Variants in SDK1 observed in about 807,000 individuals in gnomAD.
SDK1 encodes sidekick cell adhesion molecule 1.
SDK1 carries 157 observed loss-of-function variants against 245.5 expected under a neutral mutation model. The observed-to-expected ratio is 0.64, with a 90% CI of 0.56 to 0.73. The LOEUF (loss-of-function observed/expected upper bound fraction) is 0.73, where lower values mean the gene tolerates loss of function less well. Among genes scored for constraint, SDK1 ranks in the 30% least tolerant of loss-of-function variants. SDK1 has a pLI of 0.00. For synonymous variants in SDK1, 1,647 were observed against 1,278.5 expected (o/e 1.29, Z -6.15); for missense variants, 3,583 against 3,002.3 (o/e 1.19, Z -4.52).
intron 1 of SDK1, among the ~76,000 whole-genome samples, chr7:3,555,014 C>T (rs1031739001): frequency 5.9e-5 from 9 of 152,142 alleles, no homozygotes; most frequent in Admixed American, 1.3e-4. Context: ...TTACCCAGGG[C>T]AATCTATAGA....
intron 4 of SDK1, among the ~76,000 whole-genome samples, chr7:3,679,346 C>T (rs1444149139): frequency 2.6e-5 from 4 of 151,970 alleles, no homozygotes; most frequent in Admixed American, 2.6e-4. Flanking sequence ...GCGGGTGGAT[C>T]ACGAGGTCGG....
chr7:4,178,641 C>A, intron 35 of SDK1, 55 bp downstream of exon 35: 1 of 1,277,992 alleles, frequency 7.8e-7, no homozygotes, highest in Non-Finnish European at 1.1e-6. Context: ...GTGGTGGGGA[C>A]AGCCAGGCAC....
chr7:3,668,589 G>C (rs1011583010), intron 4 of SDK1, among the ~76,000 whole-genome samples: 1 of 152,122 alleles, frequency 6.6e-6, no homozygotes, highest in Admixed American at 6.5e-5. Flanking sequence ...GCCTGGGCAA[G>C]AGACCAGCCT....
At chr7:3,654,758 A>G (rs1370339417) in intron 4 of SDK1, among the ~76,000 whole-genome samples, 1 of 152,214 alleles carries the variant, frequency 6.6e-6, no homozygotes, top group Non-Finnish European at 1.5e-5. Context: ...GCTTGGTTCC[A>G]TTCGAGTTGG....
intron 22 of SDK1, among the ~76,000 whole-genome samples, chr7:4,109,717 C>T (rs1402235905): frequency 6.6e-6 from 1 of 152,228 alleles, no homozygotes; most frequent in Non-Finnish European, 1.5e-5. Context: ...CTAGCTGGCG[C>T]AGCTTGTGTG....
At chr7:3,869,698 T>C (rs1054420462) in intron 5 of SDK1, among the ~76,000 whole-genome samples, 2 of 152,220 alleles carry the variant, frequency 1.3e-5, no homozygotes, top group African/African-American at 4.8e-5. Flanking sequence ...TTTGAAATTT[T>C]AGATTTTGAG....
At chr7:3,917,671 G>A (rs1486451316) in intron 5 of SDK1, among the ~76,000 whole-genome samples, 1 of 152,170 alleles carries the variant, frequency 6.6e-6, no homozygotes, top group Non-Finnish European at 1.5e-5. Flanking sequence ...TATGGGACCA[G>A]CTGTCAAATT....
chr7:3,892,950 A>G (rs991537458), intron 5 of SDK1, among the ~76,000 whole-genome samples: 3 of 152,080 alleles, frequency 2.0e-5, no homozygotes, highest in Non-Finnish European at 2.9e-5. Flanking sequence ...CGCACTTCAC[A>G]TGGCAGGGAA....
At chr7:4,141,036 C>T (rs75159067) in intron 28 of SDK1, among the ~76,000 whole-genome samples, 2 of 152,316 alleles carry the variant, frequency 1.3e-5, no homozygotes, top group South Asian at 2.1e-4. Flanking sequence ...AGCCAGGTCT[C>T]CCGGCTCCCT....
intron 5 of SDK1, among the ~76,000 whole-genome samples, chr7:3,874,034 T>C (rs1276836524): frequency 6.6e-6 from 1 of 152,224 alleles, no homozygotes; most frequent in Non-Finnish European, 1.5e-5. Flanking sequence ...TGAAAGCCTG[T>C]TATGTCATAT....
intron 1 of SDK1, among the ~76,000 whole-genome samples, chr7:3,518,975 A>AT (rs1782840509): frequency 6.6e-6 from 1 of 150,966 alleles, no homozygotes; most frequent in South Asian, 2.1e-4. Context: ...AAAAAAAAAA[A>AT]GGAAGTCCTG....
chr7:4,047,222 G>A (rs975001340), intron 17 of SDK1, among the ~76,000 whole-genome samples: 11 of 151,998 alleles, frequency 7.2e-5, no homozygotes, highest in Admixed American at 6.5e-5. Flanking sequence ...AAATTTTGCC[G>A]AATGCTTTTC....
Position 3,885,393 on chromosome 7 carries a change from T to A in SDK1, c.847+63810T>A, listed in dbSNP as rs1329296888. 3.3e-5 allele frequency among the ~76,000 whole-genome samples: 5 copies of A among 152,172 alleles called. No homozygotes were observed. In the South Asian group the frequency reaches 6.2e-4, roughly 19 times the overall value. On this transcript the variant is annotated intron_variant, in intron 5 of 44. Coordinates refer to ENST00000404826, the MANE Select transcript of SDK1 (RefSeq NM_152744.4). Reference sequence around the variant, plus strand: ...CACCTATGACACACACTCATCACATTCCACAGAGAATGCAGTGCAGCCCTC... The same window carrying A: ...CACCTATGACACACACTCATCACATACCACAGAGAATGCAGTGCAGCCCTC...
chr7:3,906,414 G>A (rs931725616), intron 5 of SDK1, among the ~76,000 whole-genome samples: 1 of 151,884 alleles, frequency 6.6e-6, no homozygotes, highest in Non-Finnish European at 1.5e-5. Flanking sequence ...GAGAGAGAGA[G>A]ACAGAGAGCG....
intron 17 of SDK1, among the ~76,000 whole-genome samples, chr7:4,019,324 C>T (rs557141645): frequency 2.0e-5 from 3 of 152,318 alleles, no homozygotes; most frequent in African/African-American, 7.2e-5. Flanking sequence ...ATCCAGGCTT[C>T]CAAGACAAGA....
intron 40 of SDK1, among the ~76,000 whole-genome samples, chr7:4,225,276 C>T (rs1490305205): frequency 1.3e-5 from 2 of 152,122 alleles, no homozygotes; most frequent in African/African-American, 2.4e-5. Flanking sequence ...TTCTTACAAC[C>T]GCTTGGGACT....
chr7:3,676,078 A>G (rs1783884141), intron 4 of SDK1, among the ~76,000 whole-genome samples: 1 of 151,962 alleles, frequency 6.6e-6, no homozygotes, highest in Non-Finnish European at 1.5e-5. Flanking sequence ...CGATTCTTCC[A>G]CCTCAGCCTC....
chr7:3,742,332 C>T (rs1027742928), intron 4 of SDK1, among the ~76,000 whole-genome samples: 1 of 152,088 alleles, frequency 6.6e-6, no homozygotes, highest in African/African-American at 2.4e-5. Context: ...GAGCTCTCTG[C>T]CTTTTCCCGT....
In SDK1 at chr7:3,666,505, A is replaced by C. The variant is rs536682481; in HGVS notation, c.713+24400A>C. On this transcript the variant is annotated intron_variant, in intron 4 of 44. Transcript: ENST00000404826. ...CCTGCTGCCGACACACAGCAGGTTC[A>C]GTGTGGTTTCCCTGGGGTCTGGCGA... Among the ~76,000 whole-genome samples, 104 of 152,220 alleles carry C rather than the reference A, an allele frequency of 6.8e-4. 1 individual carries two copies. The highest frequency in any genetic ancestry group is 3.5e-3 in the South Asian group (17 of 4,824).
Sources: gnomAD v4.1 joint callset for allele counts (sites outside exome capture counted in the v4.1 genomes callset) on GRCh38, gnomAD v4.1.1 for gene constraint, MANE v1.5 for transcripts, NCBI Gene and HGNC (gene_info 2026-07-23, HGNC 2026-07-21) for gene names.